The following TENM2 variants were observed in gnomAD, a reference collection of about 807,000 sequenced individuals.
TENM2 encodes teneurin transmembrane protein 2, also known as teneurin-2.
A neutral mutation model predicts 245.2 loss-of-function variants in TENM2; 52 were observed. The ratio of observed to expected loss-of-function variants is 0.21; its 90% CI spans 0.17 to 0.27. TENM2 has a LOEUF of 0.27. Among genes scored for constraint, TENM2 ranks in the 10% least tolerant of loss-of-function variants. The pLI, the probability that TENM2 is intolerant of heterozygous loss-of-function variation, is 1.00. For missense variants in TENM2, 3,046 were observed against 3,666.8 expected (o/e 0.83, Z 4.37); for synonymous variants, 1,363 against 1,438.9 (o/e 0.95, Z 1.19).
rs1162594348 is a variant in TENM2, at chr5:167,766,684, C to T, written c.503-109302C>T. On this transcript the variant is annotated intron_variant, in intron 2 of 28. Coordinates refer to ENST00000518659, the Ensembl canonical transcript of TENM2. ...CTGAGGTCAGGAGTTCGAGACCAGC[C>T]TGGCCAACATGGTGAAACCCCATCT... is the stretch of plus-strand genomic sequence containing the variant. Among the ~76,000 whole-genome samples, 9 of 152,124 alleles carry T rather than the reference C, an allele frequency of 5.9e-5. No individual in the cohort carries two copies. The East Asian group carries it at 1.4e-3, about 23-fold the overall frequency.
intron 2 of TENM2, among the ~76,000 whole-genome samples, chr5:167,802,883 G>A (rs1463851742): frequency 6.6e-6 from 1 of 152,142 alleles, no homozygotes; most frequent in African/African-American, 2.4e-5. Context: ...TATGAGACTA[G>A]CAGGTATTTC....
chr5:167,573,477 GCT>G (rs1277041082), intron 2 of TENM2, among the ~76,000 whole-genome samples: 3 of 151,144 alleles, frequency 2.0e-5, no homozygotes, highest in African/African-American at 4.9e-5. Context: ...CCTGAAACCC[GCT>G]CTCTTTTCTT....
intron 2 of TENM2, among the ~76,000 whole-genome samples, chr5:167,758,278 A>G (rs1316279767): frequency 6.6e-6 from 1 of 152,120 alleles, no homozygotes; most frequent in East Asian, 1.9e-4. Context: ...ACTGTGCTGC[A>G]TATTTTCTGT....
intron 2 of TENM2, among the ~76,000 whole-genome samples, chr5:167,517,653 G>A (rs569422509): frequency 2.0e-5 from 3 of 151,746 alleles, no homozygotes; most frequent in African/African-American, 7.3e-5. Context: ...CTCCCTGCTG[G>A]GTCATTGACA....
At chr5:167,674,639 T>G (rs187263200) in intron 2 of TENM2, among the ~76,000 whole-genome samples, 1 of 152,106 alleles carries the variant, frequency 6.6e-6, no homozygotes, top group African/African-American at 2.4e-5. Context: ...CTCAATTTCC[T>G]CACCTGTCAA....
Position 168,244,375 on chromosome 5 carries a change from T to C in TENM2, c.5521-45T>C, listed in dbSNP as rs1398118302. ...TCCTCCACAGAAGCCTGAGCCGGCA[T>C]GCCTGGGTGATGTCTTTCAAACAAG... is the stretch of plus-strand genomic sequence containing the variant. On this transcript the variant is annotated intron_variant, in intron 25 of 28. Transcript: ENST00000518659. This position sits in a 1 kb window ranked among gnomAD's most constrained non-coding sequence, Gnocchi z 4.9. 6.9e-7 allele frequency: 1 copy of C among 1,439,380 alleles called. No homozygotes were observed. Among genetic ancestry groups the C allele is most frequent in the Non-Finnish European group, 9.3e-7 (1 of 1,080,416 alleles). 89.2% of individuals were successfully genotyped at this position (1,439,380 alleles called of 1,614,324 possible).
At chr5:167,528,862 T>A (rs1385710101) in intron 2 of TENM2, among the ~76,000 whole-genome samples, 1 of 152,164 alleles carries the variant, frequency 6.6e-6, no homozygotes, top group East Asian at 1.9e-4. Context: ...AGTAGCCCCC[T>A]GTTGGTGGTC....
At chr5:167,728,145 C>A (rs1237948481) in intron 2 of TENM2, among the ~76,000 whole-genome samples, 4 of 152,150 alleles carry the variant, frequency 2.6e-5, no homozygotes, top group African/African-American at 7.2e-5. Flanking sequence ...TCTTGAAATT[C>A]TTTTCCTCCA....
intron 2 of TENM2, among the ~76,000 whole-genome samples, chr5:167,447,836 T>G (rs956958261): frequency 1.1e-4 from 17 of 152,316 alleles, no homozygotes; most frequent in Middle Eastern, 3.4e-3. Flanking sequence ...TAAGTACAAT[T>G]GGCCCAGCAT....
At chr5:167,090,220 A>G in the TENM2 span, among the ~76,000 whole-genome samples, 1 of 149,472 alleles carries the variant, frequency 6.7e-6, no homozygotes, top group Non-Finnish European at 1.5e-5. Flanking sequence ...CAAATAGTTA[A>G]TTCAAAACCA....
intron 3 of TENM2, among the ~76,000 whole-genome samples, chr5:167,914,845 T>C (rs768134291): frequency 1.3e-5 from 2 of 152,146 alleles, no homozygotes; most frequent in Non-Finnish European, 2.9e-5. Context: ...TCCCTGTGTC[T>C]CTCTGCATCT....
At chr5:167,088,219 G>A in the TENM2 span, among the ~76,000 whole-genome samples, 1 of 152,156 alleles carries the variant, frequency 6.6e-6, no homozygotes, top group Non-Finnish European at 1.5e-5. Flanking sequence ...GTCATCCAAA[G>A]TGAAAATAGT....
At chr5:167,361,257 T>G (rs1309723838) in intron 1 of TENM2, among the ~76,000 whole-genome samples, 2 of 152,192 alleles carry the variant, frequency 1.3e-5, no homozygotes, top group Admixed American at 6.6e-5. Context: ...GCAATGAGTA[T>G]CACTTGTAAT....
intron 3 of TENM2, among the ~76,000 whole-genome samples, chr5:167,890,876 A>G (rs1774695193): frequency 6.6e-6 from 1 of 152,202 alleles, no homozygotes; most frequent in Non-Finnish European, 1.5e-5. Flanking sequence ...TACTTTTAGG[A>G]AACACTATCA....
chr5:168,149,400 G>T (rs760077099), intron 12 of TENM2: 3 of 457,186 alleles, frequency 6.6e-6, no homozygotes, highest in South Asian at 4.6e-5. Context: ...CAACCGAGGA[G>T]TCTGGTTTGC....
At chr5:168,010,669 G>C (rs2152073384) in intron 5 of TENM2, among the ~76,000 whole-genome samples, 1 of 152,348 alleles carries the variant, frequency 6.6e-6, no homozygotes, top group Admixed American at 6.5e-5. Flanking sequence ...AGGATAAGGA[G>C]AGATGTTCAT....
chr5:167,746,239 A>G (rs976523448), intron 2 of TENM2, among the ~76,000 whole-genome samples: 2 of 152,146 alleles, frequency 1.3e-5, no homozygotes, highest in African/African-American at 4.8e-5. Flanking sequence ...ACGAAACCCA[A>G]TGGCTCACCC....
At chr5:168,045,722 T>A (rs139692953) in intron 5 of TENM2, among the ~76,000 whole-genome samples, 194 of 152,336 alleles carry the variant, frequency 1.3e-3, no homozygotes, top group Middle Eastern at 3.4e-3. Context: ...ATCATTTTTT[T>A]AAAAAATTAT....
intron 9 of TENM2, among the ~76,000 whole-genome samples, chr5:168,101,864 G>A (rs746529771): frequency 1.4e-4 from 22 of 151,988 alleles, no homozygotes; most frequent in Non-Finnish European, 2.4e-4. Context: ...TTTTTAAATG[G>A]CCACAGTTTA....
Sources: allele counts gnomAD v4.1 joint callset (sites outside exome capture counted in the v4.1 genomes callset), GRCh38; gene constraint gnomAD v4.1.1; non-coding constraint Gnocchi (gnomAD v3.1); transcripts MANE v1.5; gene names NCBI Gene and HGNC (gene_info 2026-07-23, HGNC 2026-07-21).